Variants in TM9SF2 observed in about 807,000 individuals in gnomAD.
The protein encoded by TM9SF2 is transmembrane 9 superfamily member 2.
A neutral mutation model predicts 84.9 loss-of-function variants in TM9SF2; 13 were observed. That is an observed-to-expected ratio of 0.15 (90% CI 0.10 to 0.24). The LOEUF is 0.24. TM9SF2 is among the 10% of genes least tolerant of loss of function. The pLI is 1.00. For synonymous variants in TM9SF2, 273 were observed against 285.8 expected, an observed-to-expected ratio of 0.96 and a Z score of 0.45; for missense variants, 562 against 818.5, an observed-to-expected ratio of 0.69 and a Z score of 3.82.
chr13:99,513,840 C>T (rs1952630294), intron 1 of TM9SF2, among the ~76,000 whole-genome samples: 1 of 152,202 alleles, frequency 6.6e-6, no homozygotes, highest in Non-Finnish European at 1.5e-5. Flanking sequence ...CAGCCATGCT[C>T]ACTTGTGGAT....
At chr13:99,519,863 G>T (rs1051313274) in intron 2 of TM9SF2, among the ~76,000 whole-genome samples, 173 bp from the exon 3 acceptor site, 42 of 150,728 alleles carry the variant, frequency 2.8e-4, no homozygotes, top group Middle Eastern at 3.3e-3. Flanking sequence ...TAGGTGTTTT[G>T]TTTTTTTATG....
rs772947682 is a variant in TM9SF2 at position 99,552,322 on chromosome 13, A to G, written c.1484A>G (p.Lys495Arg). 6.2e-7 allele frequency: 1 copy of G among 1,613,090 alleles called. No homozygotes were observed. Among genetic ancestry groups the G allele is most frequent in the African/African-American group, 1.3e-5 (1 of 75,002 alleles). ...TFIGAYFGFK[K>R]NAIEHPVRTN... ...ATTGGTGCATACTTTGGTTTTAAGA[A>G]GAATGTAAGTTTATAGGTGTTAACT... The change falls in exon 13 of 17, where the codon AAG becomes AGG. Residue 495 changes from lysine (K) to arginine (R), a missense_variant. By Grantham distance (26) the Lys-to-Arg change is conservative. Coordinates refer to ENST00000376387, the MANE Select transcript of TM9SF2 (RefSeq NM_004800.3).
At chr13:99,550,982 G>C (rs934704807) in intron 12 of TM9SF2, among the ~76,000 whole-genome samples, 6 of 152,110 alleles carry the variant, frequency 3.9e-5, no homozygotes, top group Non-Finnish European at 8.8e-5. Flanking sequence ...TGTATACAAA[G>C]AACACCAACA....
At chr13:99,559,689 C>A (rs111875169) in intron 16 of TM9SF2, among the ~76,000 whole-genome samples, 155 bp downstream of exon 16, 7 of 152,142 alleles carry the variant, frequency 4.6e-5, no homozygotes, top group African/African-American at 1.7e-4. Flanking sequence ...GTCTGCCCAC[C>A]TGTGAGTTGC....
chr13:99,535,486 A>G (rs544156331), intron 4 of TM9SF2, among the ~76,000 whole-genome samples: 54 of 152,342 alleles, frequency 3.5e-4, no homozygotes, highest in Middle Eastern at 3.4e-3. Context: ...TATTTATTCT[A>G]TATAACAATG....
intron 14 of TM9SF2, 115 bp downstream of exon 14, chr13:99,554,570 AC>A: frequency 8.6e-7 from 1 of 1,161,290 alleles, no homozygotes; most frequent in Non-Finnish European, 1.2e-6. Flanking sequence ...TTCTTCAGTA[AC>A]CAGAAATCTT....
At chr13:99,501,829 C>G (rs939822898) in intron 1 of TM9SF2, 52 bp downstream of exon 1, 2 of 1,562,556 alleles carry the variant, frequency 1.3e-6, no homozygotes, top group Non-Finnish European at 1.7e-6. Context: ...GGGAAGTCGT[C>G]CCTATCCGGG....
At chr13:99,514,021 G>C (rs1054968067) in intron 1 of TM9SF2, among the ~76,000 whole-genome samples, 1 of 152,136 alleles carries the variant, frequency 6.6e-6, no homozygotes, top group Non-Finnish European at 1.5e-5. Flanking sequence ...GTGGCTAGAG[G>C]AAAAATGTTA....
At chr13:99,536,387 C>T (rs991465494) in intron 4 of TM9SF2, among the ~76,000 whole-genome samples, 4 of 151,264 alleles carry the variant, frequency 2.6e-5, no homozygotes, top group African/African-American at 7.3e-5. Flanking sequence ...CCACTGCACT[C>T]GGACCAGCCT....
Position 99,559,516 on chromosome 13 carries a change from A to C in TM9SF2, c.1906A>C (p.Ile636Leu). 1 of 1,596,228 alleles carries C rather than the reference A, an allele frequency of 6.3e-7. No homozygotes were observed. The highest frequency in any genetic ancestry group is 8.5e-7 in the Non-Finnish European group (1 of 1,175,554). The change falls in exon 16 of 17, where the codon ATC (isoleucine) becomes CTC (leucine). Residue 636 changes from isoleucine to leucine, a missense_variant. Physicochemically the swap from Ile to Leu is conservative, Grantham distance 5. This residue lies in a region of TM9SF2 where 63 missense variants were observed against 109.2 expected (regional missense o/e 0.58). Transcript: ENST00000376387. ...TGGTTATACCATGATAATGGTTTTG[A>C]TCTTCTTTCTTTTTACAGGTAAAAT... is the stretch of plus-strand genomic sequence containing the variant. ...YFGYTMIMVL[I>L]FFLFTGTIGF... is the part of the protein sequence containing the mutation.
Position 99,517,678 on chromosome 13 carries a change from C to T in TM9SF2, c.236C>T (p.Thr79Ile), listed in dbSNP as rs1250299512. ...SVESVLPYEYTAFDFCQASEG... is the reference protein window; with the variant it reads ...SVESVLPYEYIAFDFCQASEG... ...GAATCAGTTCTTCCTTATGAATACA[C>T]AGCGTAAGTTTTTCAGCTTGGCTTT... Residue 79 changes from threonine (T) to isoleucine (I), a missense_variant, in exon 2 of 17, where the codon ACA becomes ATA. Thr to Ile is a moderately conservative substitution (Grantham distance 89, BLOSUM62 -1). This residue lies in a region of TM9SF2 where 267 missense variants were observed against 316.7 expected (regional missense o/e 0.84). Transcript: ENST00000376387. The T allele has an allele frequency of 6.3e-7, 1 of 1,578,918 alleles. No individual in the cohort carries two copies.
chr13:99,532,150 C>A (rs1363147730), intron 4 of TM9SF2, among the ~76,000 whole-genome samples: 3 of 151,772 alleles, frequency 2.0e-5, no homozygotes, highest in Non-Finnish European at 4.4e-5. Flanking sequence ...CTCCCGGGTC[C>A]ACGCCATTCT....
intron 15 of TM9SF2, among the ~76,000 whole-genome samples, chr13:99,558,597 T>C (rs1440171424): frequency 6.6e-6 from 1 of 152,204 alleles, no homozygotes; most frequent in Non-Finnish European, 1.5e-5. Context: ...CTATTTTAAA[T>C]GGAATTGGGT....
At chr13:99,529,792 T>A (rs557279491) in intron 4 of TM9SF2, among the ~76,000 whole-genome samples, 198 bp downstream of exon 4, 2 of 152,354 alleles carry the variant, frequency 1.3e-5, no homozygotes, top group South Asian at 4.1e-4. Context: ...ATCTTTTAAC[T>A]GTGTTTAGAT....
At chr13:99,540,647 A>AT (rs1192004059) in intron 7 of TM9SF2, 67 bp from the exon 8 acceptor site, 831 of 1,307,952 alleles carry the variant, frequency 6.4e-4, no homozygotes, top group African/African-American at 1.6e-3. Flanking sequence ...TTTGAATGGG[A>AT]TTTTTTTTTG....
intron 1 of TM9SF2, among the ~76,000 whole-genome samples, chr13:99,512,497 G>A (rs1443242893): frequency 6.6e-6 from 1 of 152,130 alleles, no homozygotes; most frequent in African/African-American, 2.4e-5. Flanking sequence ...GCCAAACGTA[G>A]ATGGATAAAA....
chr13:99,512,149 C>T (rs2046116120), intron 1 of TM9SF2, among the ~76,000 whole-genome samples: 4 of 152,134 alleles, frequency 2.6e-5, no homozygotes, highest in African/African-American at 9.7e-5. Flanking sequence ...TCACAGAAAC[C>T]CTTATGCTGA....
chr13:99,541,995 C>G (rs1241465547), intron 9 of TM9SF2, among the ~76,000 whole-genome samples: 1 of 152,028 alleles, frequency 6.6e-6, no homozygotes, highest in Non-Finnish European at 1.5e-5. Context: ...CCTAAAAACA[C>G]AAAAATTAGC....
chr13:99,540,280 T>G (rs1164367814), intron 7 of TM9SF2, among the ~76,000 whole-genome samples: 1 of 151,998 alleles, frequency 6.6e-6, no homozygotes, highest in Admixed American at 6.6e-5. Flanking sequence ...CCTGGTGCAG[T>G]AAATAGTATA....
Sources: allele counts gnomAD v4.1 joint callset (sites outside exome capture counted in the v4.1 genomes callset), GRCh38; gene constraint gnomAD v4.1.1; regional missense constraint gnomAD v4.1.1; transcripts MANE v1.5; gene names NCBI Gene and HGNC (gene_info 2026-07-23, HGNC 2026-07-21).